The following NUBPL variants were observed in gnomAD, a reference collection of about 807,000 sequenced individuals.
The protein encoded by NUBPL is NUBP iron-sulfur cluster assembly factor, mitochondrial, also known as iron-sulfur cluster transfer protein NUBPL.
In NUBPL, 31 loss-of-function variants were observed where a neutral mutation model predicts 45.7. That is an observed-to-expected ratio of 0.68 (90% CI 0.51 to 0.92). The LOEUF (loss-of-function observed/expected upper bound fraction) is 0.92. Among genes scored for constraint, NUBPL ranks in the 40% least tolerant of loss-of-function variants. The probability of loss-of-function intolerance (pLI) is 0.00; values close to 1 mark genes in which losing one functional copy is unlikely to be tolerated. For synonymous variants in NUBPL, 144 were observed against 140.9 expected (o/e 1.02, Z -0.15); for missense variants, 401 against 398.7 (o/e 1.01, Z -0.05).
chr14:31,755,925 AG>A (rs1305143371), intron 6 of NUBPL, among the ~76,000 whole-genome samples: 3 of 151,674 alleles, frequency 2.0e-5, no homozygotes, highest in African/African-American at 7.3e-5. Flanking sequence ...ATGGCTAGCC[AG>A]TTTTCCCAGC....
At chr14:31,834,817 A>C (rs117925717) in intron 8 of NUBPL, among the ~76,000 whole-genome samples, 2 of 152,138 alleles carry the variant, frequency 1.3e-5, no homozygotes, top group African/African-American at 4.8e-5. Context: ...AAGAATATCT[A>C]TTTGTTTAGT....
At chr14:31,696,085 T>C (rs2037208239) in intron 6 of NUBPL, among the ~76,000 whole-genome samples, 1 of 152,254 alleles carries the variant, frequency 6.6e-6, no homozygotes, top group Non-Finnish European at 1.5e-5. Flanking sequence ...GATATTTCAC[T>C]GCTTGTGCTG....
intron 4 of NUBPL, among the ~76,000 whole-genome samples, chr14:31,664,933 G>A (rs1325028319): frequency 6.6e-6 from 1 of 151,360 alleles, no homozygotes; most frequent in Non-Finnish European, 1.5e-5. Flanking sequence ...GGTCTATTCA[G>A]GTATTAGTTT....
At chr14:31,640,814 G>T (rs543184526) in intron 4 of NUBPL, among the ~76,000 whole-genome samples, 45 of 152,112 alleles carry the variant, frequency 3.0e-4, no homozygotes, top group South Asian at 1.9e-3. Flanking sequence ...TGGGGACATC[G>T]ATCACCTTAA....
rs115093365 is a variant in NUBPL at position 31,789,021 on chromosome 14, C to T, written c.607+1148C>T. 6.5e-3 allele frequency among the ~76,000 whole-genome samples: 989 copies of T among 152,216 alleles called. 11 individuals carry two copies. The highest frequency in any genetic ancestry group is 0.022 in the African/African-American group (926 of 41,524). On this transcript the variant is annotated intron_variant, in intron 7 of 10. Transcript: ENST00000281081. ...ACTCGGTAAATATTTATTGAGTGAACACTGGATAAGAATAAATATTAGGGG... is the reference window on the plus strand; with the variant it reads ...ACTCGGTAAATATTTATTGAGTGAATACTGGATAAGAATAAATATTAGGGG...
intron 4 of NUBPL, among the ~76,000 whole-genome samples, chr14:31,642,218 G>A (rs1334167993): frequency 6.6e-6 from 1 of 152,088 alleles, no homozygotes; most frequent in Non-Finnish European, 1.5e-5. Flanking sequence ...TGCCTTGGTT[G>A]CCTGTACTTT....
intron 6 of NUBPL, among the ~76,000 whole-genome samples, chr14:31,743,910 C>T (rs532590464): frequency 5.7e-4 from 87 of 152,274 alleles, no homozygotes; most frequent in South Asian, 8.3e-4. Flanking sequence ...GAAAGAGCCC[C>T]GCTCTTCAAG....
At chr14:31,840,595 AAG>A (rs1267978752) in intron 8 of NUBPL, among the ~76,000 whole-genome samples, 1 of 151,034 alleles carries the variant, frequency 6.6e-6, no homozygotes. Context: ...AAAAAAGAAA[AAG>A]AAAGAAATCC....
At chr14:31,703,575 C>T (rs372093107) in intron 6 of NUBPL, among the ~76,000 whole-genome samples, 55 of 152,224 alleles carry the variant, frequency 3.6e-4, no homozygotes, top group African/African-American at 8.7e-4. Context: ...CATGGATGGC[C>T]GCAGACAGAG....
chr14:31,694,901 G>A (rs1432124852), intron 6 of NUBPL, among the ~76,000 whole-genome samples: 2 of 152,200 alleles, frequency 1.3e-5, no homozygotes, highest in African/African-American at 4.8e-5. Flanking sequence ...TAGATCCAGA[G>A]TTCAAAATGT....
intron 8 of NUBPL, among the ~76,000 whole-genome samples, chr14:31,843,415 A>G (rs2040405999): frequency 6.6e-6 from 1 of 152,258 alleles, no homozygotes; most frequent in African/African-American, 2.4e-5. Context: ...GTCTAAGAAA[A>G]TAAACACACA....
At chr14:31,618,376 A>G (rs1445975772) in intron 4 of NUBPL, among the ~76,000 whole-genome samples, 1 of 152,104 alleles carries the variant, frequency 6.6e-6, no homozygotes, top group African/African-American at 2.4e-5. Flanking sequence ...TAGGGTGTCA[A>G]TTTTAGATCT....
intron 6 of NUBPL, among the ~76,000 whole-genome samples, chr14:31,784,244 C>T (rs2039245510): frequency 6.6e-6 from 1 of 152,146 alleles, no homozygotes; most frequent in South Asian, 2.1e-4. Flanking sequence ...AATTTAGTTA[C>T]AGTTCGTTTT....
chr14:31,691,220 A>G (rs1028560995), intron 6 of NUBPL, among the ~76,000 whole-genome samples: 1 of 152,246 alleles, frequency 6.6e-6, no homozygotes, highest in Non-Finnish European at 1.5e-5. Flanking sequence ...CTCAATGTGA[A>G]GATCACGAGG....
chr14:31,765,139 C>CA (rs1334358567), intron 6 of NUBPL, among the ~76,000 whole-genome samples: 5 of 151,594 alleles, frequency 3.3e-5, no homozygotes, highest in Non-Finnish European at 7.4e-5. Flanking sequence ...TTGATATATT[C>CA]AAAAAAAAGG....
At chr14:31,697,029 A>G (rs1333112833) in intron 6 of NUBPL, among the ~76,000 whole-genome samples, 2 of 152,236 alleles carry the variant, frequency 1.3e-5, no homozygotes, top group Non-Finnish European at 2.9e-5. Flanking sequence ...AAATTTGACC[A>G]GTGTTTCAAA....
At chr14:31,799,645 A>G (rs1175291227) in intron 7 of NUBPL, among the ~76,000 whole-genome samples, 1 of 152,190 alleles carries the variant, frequency 6.6e-6, no homozygotes, top group Non-Finnish European at 1.5e-5. Flanking sequence ...ATACAACATT[A>G]TGTCTTTAAA....
intron 3 of NUBPL, among the ~76,000 whole-genome samples, chr14:31,570,462 C>T (rs556442064): frequency 1.3e-5 from 2 of 152,208 alleles, no homozygotes; most frequent in African/African-American, 4.8e-5. Context: ...AGATGAGTAG[C>T]TTTTATTCCA....
intron 4 of NUBPL, among the ~76,000 whole-genome samples, chr14:31,600,527 C>T (rs552301404): frequency 1.3e-5 from 2 of 152,230 alleles, no homozygotes; most frequent in African/African-American, 4.8e-5. Context: ...AGACTGTGGT[C>T]GTGGCTTGAA....
Sources: gnomAD v4.1 joint callset for allele counts (sites outside exome capture counted in the v4.1 genomes callset) on GRCh38, gnomAD v4.1.1 for gene constraint, MANE v1.5 for transcripts, NCBI Gene and HGNC (gene_info 2026-07-23, HGNC 2026-07-21) for gene names.